The following GP2 variants were observed in gnomAD, a reference collection of about 807,000 sequenced individuals.
GP2 encodes the protein pancreatic secretory granule membrane major glycoprotein GP2.
GP2 carries 58 observed loss-of-function variants against 60.8 expected under a neutral mutation model. The ratio of observed to expected loss-of-function variants is 0.95; its 90% CI spans 0.77 to 1.19. GP2 has a LOEUF of 1.19. Ranked by LOEUF, GP2 falls within the 50% of genes most tolerant of loss-of-function variation. The pLI is 0.00. For synonymous variants in GP2, 280 were observed against 253.4 expected (o/e 1.10, Z -1.00); for missense variants, 647 against 667.4 (o/e 0.97, Z 0.34).
At chr16:20,316,797 C>T (rs973981692) in intron 8 of GP2, among the ~76,000 whole-genome samples, 1 of 150,930 alleles carries the variant, frequency 6.6e-6, no homozygotes, top group African/African-American at 2.4e-5. Context: ...ATACACCTAC[C>T]TATCTCGTTC....
intron 10 of GP2, among the ~76,000 whole-genome samples, chr16:20,313,298 T>C (rs1964053832): frequency 6.6e-6 from 1 of 152,102 alleles, no homozygotes; most frequent in South Asian, 2.1e-4. Context: ...TGTGTGAGTG[T>C]GATATTTCTT....
intron 1 of GP2, 194 bp from the exon 2 acceptor site, chr16:20,326,661 A>G: frequency 1.9e-6 from 1 of 516,518 alleles, no homozygotes; most frequent in East Asian, 3.4e-5. Context: ...CTAGTACTGC[A>G]GAATGTCCTA....
intron 2 of GP2, among the ~76,000 whole-genome samples, chr16:20,326,030 G>A (rs901524114): frequency 6.6e-6 from 1 of 152,182 alleles, no homozygotes; most frequent in Non-Finnish European, 1.5e-5. Flanking sequence ...GCCAGCACAA[G>A]GTGACTGAGT....
At chr16:20,319,496 GA>G in intron 6 of GP2, 123 bp downstream of exon 6, 1 of 679,436 alleles carries the variant, frequency 1.5e-6, no homozygotes, top group Non-Finnish European at 2.6e-6. Flanking sequence ...ATGAATGACT[GA>G]ATGACTGGAG....
At chr16:20,326,921 G>A (rs185311865) in intron 1 of GP2, 20 of 167,096 alleles carry the variant, frequency 1.2e-4, no homozygotes, top group Non-Finnish European at 2.4e-4. Flanking sequence ...TGGCACACAA[G>A]GAGTACTCAG....
Position 20,320,317 on chromosome 16 carries a change from T to C in GP2, c.803A>G (p.Asn268Ser). Residue 268 changes from asparagine to serine, a missense_variant, in exon 5 of 11, where the codon AAC (asparagine) becomes AGC (serine). By Grantham distance (46) the Asn-to-Ser change is conservative (BLOSUM62 1). Coordinates refer to ENST00000302555, the MANE Select transcript of GP2 (RefSeq NM_001502.4). ...CSSILQTEER[N>S]WVSVTSPVQA... is the part of the protein sequence containing the mutation. ...GACGGGGCTGGTCACAGATACCCAG[T>C]TCCTCTCCTCTGTCTGCAAGATGCT... 6.2e-7 allele frequency: 1 copy of C among 1,614,152 alleles called. No individual in the cohort carries two copies. Among genetic ancestry groups the C allele is most frequent in the South Asian group, 1.1e-5 (1 of 91,084 alleles).
intron 2 of GP2, among the ~76,000 whole-genome samples, chr16:20,325,135 G>C (rs1044787513): frequency 2.6e-5 from 4 of 152,206 alleles, no homozygotes; most frequent in African/African-American, 7.2e-5. Flanking sequence ...AAGACCACAG[G>C]CTGGTCAGGC....
At chr16:20,320,215 C>T in intron 5 of GP2, 47 bp downstream of exon 5, 3 of 1,356,070 alleles carry the variant, frequency 2.2e-6, no homozygotes, top group Non-Finnish European at 3.2e-6. Context: ...TAGGTCCCAT[C>T]AGCCCAACAC....
chr16:20,319,455 C>A (rs1213584172), intron 6 of GP2, among the ~76,000 whole-genome samples, 165 bp downstream of exon 6: 3 of 152,140 alleles, frequency 2.0e-5, no homozygotes. Flanking sequence ...TGCTGAACAT[C>A]TTTAATATAC....
intron 2 of GP2, 44 bp from the exon 3 acceptor site, chr16:20,324,300 A>G: frequency 3.8e-6 from 5 of 1,313,942 alleles, no homozygotes; most frequent in South Asian, 2.7e-5. Flanking sequence ...GAGCAATGCC[A>G]GAACCTACAG....
chr16:20,312,992 G>A (rs1964034880), intron 10 of GP2, among the ~76,000 whole-genome samples: 1 of 152,086 alleles, frequency 6.6e-6, no homozygotes, highest in Non-Finnish European at 1.5e-5. Context: ...CTCTCAATGA[G>A]CGTGACTTTT....
At chr16:20,326,540 C>G in intron 1 of GP2, 73 bp from the exon 2 acceptor site, 1 of 1,199,912 alleles carries the variant, frequency 8.3e-7, no homozygotes, top group Non-Finnish European at 1.2e-6. Flanking sequence ...CGTTGACTTC[C>G]TTCATAAAGA....
In GP2 at chr16:20,319,779, A is replaced by G. The variant is rs747077015; in HGVS notation, c.859-11T>C. ...ATGGGTTTGATTTCTCTTTGGCAAA[A>G]AAACAAAACCATACAGATGTTTATG... On this transcript the variant is annotated splice_polypyrimidine_tract_variant and intron_variant, in intron 5 of 10. Transcript: ENST00000302555. The G allele has an allele frequency of 3.1e-6, 5 of 1,607,980 alleles. No homozygotes were observed. Among genetic ancestry groups the G allele is most frequent in the Non-Finnish European group, 4.3e-6 (5 of 1,174,518 alleles).
chr16:20,314,597 A>G (rs367855284), intron 10 of GP2, 60 bp downstream of exon 10: 2 of 1,168,646 alleles, frequency 1.7e-6, no homozygotes, highest in Non-Finnish European at 1.3e-6. Context: ...AAAGGGGCAG[A>G]ATTGAAAAGA....
rs1425830795 is a variant in GP2 at position 20,323,894 on chromosome 16, G to C, written c.457C>G (p.Leu153Val). Residue 153 changes from leucine (L) to valine (V), a missense_variant, in exon 3 of 11, where the codon CTG becomes GTG. Physicochemically the swap from Leu to Val is conservative, Grantham distance 32. Coordinates refer to ENST00000302555, the MANE Select transcript of GP2 (RefSeq NM_001502.4). The stretch of plus-strand genomic sequence containing the variant: ...TACCCGCCTGGGCAGGCCTTCACCA[G>C]CACCTCTGTTTTCCAGAAACAGCAG... ...GNCCFWKTEV[L>V]VKACPGGYHV... 1 of 1,613,996 alleles carries C rather than the reference G, an allele frequency of 6.2e-7. No homozygotes were observed. The highest frequency in any genetic ancestry group is 2.2e-5 in the East Asian group (1 of 44,884).
intron 9 of GP2, among the ~76,000 whole-genome samples, chr16:20,314,971 G>C (rs1285560998): frequency 6.6e-6 from 1 of 152,168 alleles, no homozygotes; most frequent in Non-Finnish European, 1.5e-5. Context: ...GTGATGTTAA[G>C]GGACTTGCCA....
rs368350840 is a variant in GP2, at chr16:20,326,373, G to A, written c.59C>T (p.Ser20Phe). 2.6e-5 allele frequency: 42 copies of A among 1,613,628 alleles called. No homozygotes were observed. The highest frequency in any genetic ancestry group is 3.1e-5 in the Non-Finnish European group (37 of 1,179,694). ...GSGLLWLALV[S>F]CILTQASAVQ... The stretch of plus-strand genomic sequence containing the variant: ...TGCAGATGCCTGGGTCAGAATGCAG[G>A]AGACCAAGGCCAGCCACAGGAGGCC... The change falls in exon 2 of 11, where the codon TCC becomes TTC. Residue 20 changes from serine to phenylalanine, a missense_variant. Transcript: ENST00000302555.
chr16:20,317,961 A>G (rs905146053), intron 7 of GP2, among the ~76,000 whole-genome samples: 2 of 152,178 alleles, frequency 1.3e-5, no homozygotes, highest in Non-Finnish European at 1.5e-5. Context: ...GCCTGTTGCC[A>G]AAGTTATCAA....
intron 3 of GP2, chr16:20,323,522 C>A: frequency 2.1e-6 from 1 of 474,314 alleles, no homozygotes; most frequent in Non-Finnish European, 4.1e-6. Flanking sequence ...AACACTGAGG[C>A]TCAGGGAGGC....
Sources: allele counts gnomAD v4.1 joint callset (sites outside exome capture counted in the v4.1 genomes callset), GRCh38; gene constraint gnomAD v4.1.1; transcripts MANE v1.5; gene names NCBI Gene and HGNC (gene_info 2026-07-23, HGNC 2026-07-21).